The following DDX4 variants were observed in gnomAD, a reference collection of about 807,000 sequenced individuals.
DDX4 encodes DEAD-box helicase 4.
In DDX4, 25 loss-of-function variants were observed where a neutral mutation model predicts 100.0. The ratio of observed to expected loss-of-function variants is 0.25; its 90% CI spans 0.18 to 0.35. DDX4 has a LOEUF of 0.35. Among genes scored for constraint, DDX4 ranks in the 10% least tolerant of loss-of-function variants. The pLI, the probability that DDX4 is intolerant of heterozygous loss-of-function variation, is 1.00. For synonymous variants in DDX4, 259 were observed against 275.7 expected (o/e 0.94, Z 0.60); for missense variants, 635 against 882.4 (o/e 0.72, Z 3.55).
chr5:55,775,063 GT>G (rs1215092264), intron 7 of DDX4, among the ~76,000 whole-genome samples: 1 of 152,126 alleles, frequency 6.6e-6, no homozygotes, highest in Non-Finnish European at 1.5e-5. Context: ...TCTATTCCAT[GT>G]TCTCTATGAA....
chr5:55,816,362 ACTTTGAGT>A, intron 21 of DDX4, 93 bp from the exon 22 acceptor site: 2 of 1,465,934 alleles, frequency 1.4e-6, no homozygotes, highest in Non-Finnish European at 1.8e-6. Flanking sequence ...CATGGTAGAT[ACTTTGAGT>A]CCTTGCTCTC....
rs763882678 is a variant in DDX4, at chr5:55,786,499, C to CT, written c.865-11dup. 8.4e-5 allele frequency: 134 copies of CT among 1,591,512 alleles called. No individual in the cohort carries two copies. The highest frequency in any genetic ancestry group is 5.4e-4 in the African/African-American group (40 of 74,114). On this transcript the variant is annotated intron_variant, in intron 13 of 21. Transcript: ENST00000505374. ...TATGATATATAGAATGTAATCACTG[C>CT]TTTTTTTTAAATTTTCAGACTTTTG...
chr5:55,808,965 C>T (rs1047070275), intron 18 of DDX4, among the ~76,000 whole-genome samples: 3 of 152,206 alleles, frequency 2.0e-5, no homozygotes, highest in Admixed American at 6.5e-5. Context: ...GGGCTCCACC[C>T]AGTTCGAGCT....
intron 16 of DDX4, among the ~76,000 whole-genome samples, chr5:55,792,341 ATTTTATTTTTTTTTAT>A (rs1742629021): frequency 6.6e-6 from 1 of 151,084 alleles, no homozygotes; most frequent in Non-Finnish European, 1.5e-5. Context: ...TCTTAACAGT[ATTTTATTTTTTTTTAT>A]TTTTATTTTT....
intron 17 of DDX4, 151 bp downstream of exon 17, chr5:55,792,958 C>T (rs1056885111): frequency 2.3e-5 from 9 of 389,014 alleles, no homozygotes; most frequent in African/African-American, 1.9e-4. Context: ...AAAACGTTTG[C>T]CACATTTTCC....
chr5:55,797,567 T>G (rs975235313), intron 17 of DDX4, among the ~76,000 whole-genome samples: 10 of 152,216 alleles, frequency 6.6e-5, no homozygotes, highest in Non-Finnish European at 7.3e-5. Flanking sequence ...ATTAAGAGTC[T>G]GGATATGCTG....
At position 55,760,231 on chromosome 5, in the gene DDX4, T is replaced by G. The variant is rs1483786629; in HGVS notation, c.159T>G (p.His53Gln). 6.4e-7 allele frequency: 1 copy of G among 1,566,288 alleles called. No homozygotes were observed. The highest frequency in any genetic ancestry group is 2.4e-5 in the East Asian group (1 of 41,304). ...ATGATGGACCTTCTCGAAGAGATCA[T>G]TTCATGAAAAGTGGATTTGCCTCTG... The part of the protein sequence containing the change: ...EMDDGPSRRD[H>Q]FMKSGFASGR... Residue 53 changes from histidine to glutamine, a missense_variant, in exon 4 of 22, where the codon CAT becomes CAG. Coordinates refer to ENST00000505374, the MANE Select transcript of DDX4 (RefSeq NM_024415.3).
intron 6 of DDX4, among the ~76,000 whole-genome samples, chr5:55,766,632 A>T (rs940663205): frequency 1.3e-5 from 2 of 152,136 alleles, no homozygotes; most frequent in African/African-American, 4.8e-5. Context: ...GGAGACTGCA[A>T]CAAGAGCTTT....
At chr5:55,748,098 A>G (rs2111622651) in intron 3 of DDX4, among the ~76,000 whole-genome samples, 1 of 152,320 alleles carries the variant, frequency 6.6e-6, no homozygotes, top group South Asian at 2.1e-4. Context: ...GACAAAAGTT[A>G]AGTTTAAAAG....
intron 21 of DDX4, 40 bp downstream of exon 21, chr5:55,815,463 A>G: frequency 1.3e-6 from 2 of 1,583,554 alleles, no homozygotes; most frequent in Non-Finnish European, 1.7e-6. Context: ...TCTTCTAGTT[A>G]CTCTTTGTAA....
chr5:55,783,164 A>G (rs181288281), intron 10 of DDX4, among the ~76,000 whole-genome samples: 127 of 152,264 alleles, frequency 8.3e-4, no homozygotes, highest in African/African-American at 3.0e-3. Flanking sequence ...TAGTAAATCA[A>G]TGAAGCTTGC....
chr5:55,793,074 T>TG, intron 17 of DDX4, among the ~76,000 whole-genome samples: 1 of 143,360 alleles, frequency 7.0e-6, no homozygotes, highest in Non-Finnish European at 1.5e-5. Context: ...GTTGTTGTTG[T>TG]TGTTGCATAG....
intron 10 of DDX4, among the ~76,000 whole-genome samples, chr5:55,784,476 C>A (rs1268397763): frequency 6.6e-6 from 1 of 152,220 alleles, no homozygotes. Context: ...AATGGTTTAT[C>A]AGCTACCTGG....
In DDX4 at chr5:55,779,978, A is replaced by G; in HGVS notation, c.409A>G (p.Asn137Asp). The change falls in exon 8 of 22, where the codon AAT becomes GAT. Residue 137 changes from asparagine (N) to aspartate (D), a missense_variant. Around this residue, in one of 4 missense-constraint regions of DDX4, gnomAD observed 446 missense variants for 540.8 expected, o/e 0.82. Transcript: ENST00000505374. ...TAACATTATAGGCTATCGAGATGGA[A>G]ATAATTCAGAAGCTTCAGGGCCATA... is the stretch of plus-strand genomic sequence containing the variant. ...FSKRGGYRDG[N>D]NSEASGPYRR... is the part of the protein sequence containing the mutation. 6.2e-7 allele frequency: 1 copy of G among 1,613,746 alleles called. No individual in the cohort carries two copies. Among genetic ancestry groups the G allele is most frequent in the Non-Finnish European group, 8.5e-7 (1 of 1,179,806 alleles).
At chr5:55,778,069 G>GA (rs1369435584) in intron 7 of DDX4, among the ~76,000 whole-genome samples, 1 of 152,088 alleles carries the variant, frequency 6.6e-6, no homozygotes, top group Non-Finnish European at 1.5e-5. Context: ...AGCATGTATG[G>GA]AAAATATGTA....
At chr5:55,805,861 C>T (rs953606777) in intron 18 of DDX4, among the ~76,000 whole-genome samples, 24 of 152,172 alleles carry the variant, frequency 1.6e-4, no homozygotes, top group Non-Finnish European at 3.4e-4. Flanking sequence ...GGAGGATTCC[C>T]TCTTTTTCTA....
chr5:55,784,717 C>A (rs1742141050), intron 10 of DDX4, among the ~76,000 whole-genome samples: 1 of 152,154 alleles, frequency 6.6e-6, no homozygotes, highest in Non-Finnish European at 1.5e-5. Context: ...AATAAAAACC[C>A]TGGGTACTGA....
At chr5:55,746,523 A>G (rs1457828849) in intron 3 of DDX4, among the ~76,000 whole-genome samples, 1 of 152,210 alleles carries the variant, frequency 6.6e-6, no homozygotes, top group East Asian at 1.9e-4. Context: ...TCCTGACATA[A>G]GGGAGTAGAA....
intron 18 of DDX4, among the ~76,000 whole-genome samples, chr5:55,805,050 G>A (rs1743602952): frequency 6.6e-6 from 1 of 152,054 alleles, no homozygotes; most frequent in Non-Finnish European, 1.5e-5. Context: ...TCCCTTGTAA[G>A]ATGGATTCCT....
Sources: gnomAD v4.1 joint callset for allele counts (sites outside exome capture counted in the v4.1 genomes callset) on GRCh38, gnomAD v4.1.1 for gene constraint, gnomAD v4.1.1 regional missense constraint, MANE v1.5 for transcripts, NCBI Gene and HGNC (gene_info 2026-07-23, HGNC 2026-07-21) for gene names.